FAF2: variants seen among roughly 807,000 people sequenced by gnomAD.
The protein encoded by FAF2 is FAS-associated factor 2.
Under a neutral mutation model 62.3 loss-of-function variants are expected in FAF2, and 9 were observed. The ratio of observed to expected loss-of-function variants is 0.14; its 90% CI spans 0.09 to 0.25. The LOEUF is 0.25. Among genes scored for constraint, FAF2 ranks in the 10% least tolerant of loss-of-function variants. The pLI is 1.00. For missense variants in FAF2, 368 were observed against 556.2 expected (o/e 0.66, Z 3.40); for synonymous variants, 202 against 198.0 (o/e 1.02, Z -0.17).
chr5:176,471,626 G>A, intron 1 of FAF2, among the ~76,000 whole-genome samples: 1 of 150,484 alleles, frequency 6.6e-6, no homozygotes, highest in Non-Finnish European at 1.5e-5. Flanking sequence ...CAGGTGATCT[G>A]CCCACCTCGG....
intron 10 of FAF2, among the ~76,000 whole-genome samples, chr5:176,504,939 C>T (rs1427817437): frequency 1.3e-5 from 2 of 151,032 alleles, no homozygotes; most frequent in Admixed American, 6.6e-5. Flanking sequence ...AGGAGGATTG[C>T]TTGAACCTGG....
intron 10 of FAF2, among the ~76,000 whole-genome samples, chr5:176,501,467 C>T (rs570315570): frequency 1.3e-5 from 2 of 152,270 alleles, no homozygotes; most frequent in East Asian, 3.9e-4. Flanking sequence ...TTCTACAGGG[C>T]CTCAGATTTC....
intron 3 of FAF2, among the ~76,000 whole-genome samples, chr5:176,488,678 C>T (rs1373731702): frequency 1.3e-5 from 2 of 152,150 alleles, no homozygotes; most frequent in Non-Finnish European, 2.9e-5. Flanking sequence ...CCCACTCAGC[C>T]TCCCAAAGTG....
intron 1 of FAF2, among the ~76,000 whole-genome samples, chr5:176,476,861 G>C (rs1162133026): frequency 6.9e-6 from 1 of 144,246 alleles, no homozygotes; most frequent in Non-Finnish European, 1.5e-5. Flanking sequence ...CCAGGCTGGA[G>C]TGCAGTGGCG....
Position 176,489,041 on chromosome 5 carries a change from G to A in FAF2, c.344+14G>A. 6.3e-7 allele frequency: 1 copy of A among 1,597,710 alleles called. No individual in the cohort carries two copies. Among genetic ancestry groups the A allele is most frequent in the Non-Finnish European group, 8.6e-7 (1 of 1,166,688 alleles). The stretch of plus-strand genomic sequence containing the variant: ...TGATATATTTAGGTATGTACCTTTG[G>A]ATTTATGTATTAGTAGAATAGTAAG... On this transcript the variant is annotated intron_variant, in intron 4 of 10. Coordinates refer to ENST00000261942, the MANE Select transcript of FAF2 (RefSeq NM_014613.3).
At chr5:176,455,620 G>A (rs1758266238) in intron 1 of FAF2, among the ~76,000 whole-genome samples, 1 of 152,114 alleles carries the variant, frequency 6.6e-6, no homozygotes, top group South Asian at 2.1e-4. Context: ...TTGGTGGCGG[G>A]TGCCTGTAAT....
At chr5:176,502,602 C>T (rs947836986) in intron 10 of FAF2, among the ~76,000 whole-genome samples, 2 of 151,670 alleles carry the variant, frequency 1.3e-5, no homozygotes, top group African/African-American at 4.8e-5. Context: ...AATGAAAAAC[C>T]TAACAAAAAT....
At chr5:176,459,900 A>G (rs1561816061) in intron 1 of FAF2, among the ~76,000 whole-genome samples, 1 of 151,966 alleles carries the variant, frequency 6.6e-6, no homozygotes, top group Non-Finnish European at 1.5e-5. Context: ...TACCCCATCT[A>G]GTAGTCCTCA....
chr5:176,473,056 T>A (rs1561819711), intron 1 of FAF2, among the ~76,000 whole-genome samples: 1 of 152,262 alleles, frequency 6.6e-6, no homozygotes, highest in Non-Finnish European at 1.5e-5. Flanking sequence ...ATTATTAGTA[T>A]GGTACACTTG....
intron 2 of FAF2, among the ~76,000 whole-genome samples, chr5:176,485,760 C>T (rs1446989024): frequency 2.0e-5 from 3 of 152,050 alleles, no homozygotes; most frequent in Admixed American, 2.0e-4. Flanking sequence ...GACAGGGTCT[C>T]GTTTCATTGC....
At chr5:176,484,887 A>G (rs976264309) in intron 2 of FAF2, among the ~76,000 whole-genome samples, 1 of 142,418 alleles carries the variant, frequency 7.0e-6, no homozygotes, top group East Asian at 2.2e-4. Context: ...ATAAGACTCC[A>G]TCTCAAGAAA....
chr5:176,506,706 C>CGTGT (rs760990895), intron 10 of FAF2, 62 bp from the exon 11 acceptor site: 17 of 565,076 alleles, frequency 3.0e-5, no homozygotes, highest in Middle Eastern at 4.2e-4. Context: ...TGCGTGTGTG[C>CGTGT]GTGTGTGTGT....
intron 1 of FAF2, among the ~76,000 whole-genome samples, chr5:176,465,238 A>G (rs923763889): frequency 6.6e-6 from 1 of 152,182 alleles, no homozygotes; most frequent in Admixed American, 6.5e-5. Flanking sequence ...CCCTTTGTCC[A>G]TAGAGAAAAA....
At chr5:176,482,220 G>GT (rs34956788) in intron 2 of FAF2, among the ~76,000 whole-genome samples, 77,829 of 141,950 alleles carry the variant, frequency 0.55, 21,240 homozygotes, top group Admixed American at 0.57. Context: ...AGCTGTGAAA[G>GT]TTTTTTTTTT....
chr5:176,473,090 A>G (rs554886479), intron 1 of FAF2, among the ~76,000 whole-genome samples: 19 of 152,210 alleles, frequency 1.2e-4, no homozygotes, highest in Non-Finnish European at 2.2e-4. Context: ...ACCAATATTG[A>G]TACACTATTA....
intron 1 of FAF2, among the ~76,000 whole-genome samples, chr5:176,464,749 T>G (rs990160310): frequency 1.2e-4 from 19 of 152,020 alleles, no homozygotes; most frequent in African/African-American, 4.1e-4. Flanking sequence ...ATATTAGTTT[T>G]TTTTTTTTTT....
At chr5:176,486,704 G>A (rs1177146293) in intron 3 of FAF2, among the ~76,000 whole-genome samples, 1 of 151,912 alleles carries the variant, frequency 6.6e-6, no homozygotes, top group African/African-American at 2.4e-5. Flanking sequence ...CCAGTTATTT[G>A]GAGAGTGTTT....
At chr5:176,470,566 G>A (rs536266256) in intron 1 of FAF2, among the ~76,000 whole-genome samples, 29 of 152,348 alleles carry the variant, frequency 1.9e-4, no homozygotes, top group Non-Finnish European at 3.7e-4. Context: ...AACAAAGAGC[G>A]AAACTCTGTC....
intron 1 of FAF2, among the ~76,000 whole-genome samples, chr5:176,467,128 CCT>C (rs1561817981): frequency 2.0e-5 from 2 of 100,186 alleles, no homozygotes; most frequent in East Asian, 3.8e-4. Flanking sequence ...TTTTTTTTTT[CCT>C]TTTTTTTTTT....
Sources: allele counts gnomAD v4.1 joint callset (sites outside exome capture counted in the v4.1 genomes callset), GRCh38; gene constraint gnomAD v4.1.1; transcripts MANE v1.5; gene names NCBI Gene and HGNC (gene_info 2026-07-23, HGNC 2026-07-21).